Variants in DGKI observed in about 807,000 individuals in gnomAD.
The protein encoded by DGKI is DAG kinase iota.
DGKI carries 55 observed loss-of-function variants against 147.5 expected under a neutral mutation model. The observed-to-expected ratio is 0.37, with a 90% CI of 0.30 to 0.47. DGKI has a LOEUF of 0.47. DGKI is among the 20% of genes least tolerant of loss of function. The pLI is 1.00. For synonymous variants in DGKI, 469 were observed against 477.1 expected (o/e 0.98, Z 0.22); for missense variants, 1,007 against 1,323.8 (o/e 0.76, Z 3.71).
In DGKI at chr7:137,387,259, G is replaced by C. The variant is rs1357583732; in HGVS notation, c.*3961C>G. 6.6e-6 allele frequency: 1 copy of C among 152,140 alleles called. No homozygotes were observed. The highest frequency in any genetic ancestry group is 1.5e-5 in the Non-Finnish European group (1 of 68,022). The allele number at this position is 152,140 out of a possible 1,614,324, so 9.4% of individuals were successfully genotyped here. A position where few individuals can be genotyped will look rare whatever the true frequency, so the allele number is the denominator to read the frequency against. On this transcript the variant is annotated 3_prime_UTR_variant, in exon 33 of 33. Coordinates refer to ENST00000614521, the MANE Select transcript of DGKI (RefSeq NM_001321708.2). ...TAGATAAGTCTTGGGGCTATGGTAGGTTTCATGCTTCATGGAAGGCAACAT... is the reference window on the plus strand; with the variant it reads ...TAGATAAGTCTTGGGGCTATGGTAGCTTTCATGCTTCATGGAAGGCAACAT...
chr7:137,579,448 A>G (rs981859075), intron 15 of DGKI, among the ~76,000 whole-genome samples: 4 of 151,454 alleles, frequency 2.6e-5, no homozygotes, highest in African/African-American at 7.3e-5. Flanking sequence ...AAAAAAAAAA[A>G]AAAGAAAGAA....
chr7:137,441,184 G>C (rs1813486509), intron 28 of DGKI, among the ~76,000 whole-genome samples: 1 of 152,052 alleles, frequency 6.6e-6, no homozygotes, highest in African/African-American at 2.4e-5. Context: ...ACTTTGGGAG[G>C]CCGAGGTGGG....
At chr7:137,623,859 T>C (rs907426315) in intron 6 of DGKI, among the ~76,000 whole-genome samples, 2 of 152,218 alleles carry the variant, frequency 1.3e-5, no homozygotes, top group African/African-American at 4.8e-5. Context: ...GTTGTTCTGA[T>C]ATGTTTTTAT....
intron 1 of DGKI, among the ~76,000 whole-genome samples, chr7:137,812,338 C>A (rs1478801025): frequency 6.6e-6 from 1 of 152,176 alleles, no homozygotes; most frequent in Non-Finnish European, 1.5e-5. Context: ...ATGGTAATTG[C>A]TCAATAAATG....
At chr7:137,785,058 G>A (rs1308887420) in intron 1 of DGKI, among the ~76,000 whole-genome samples, 1 of 151,732 alleles carries the variant, frequency 6.6e-6, no homozygotes, top group African/African-American at 2.4e-5. Flanking sequence ...CACACCTCAT[G>A]GAACTGGAGA....
chr7:137,517,009 T>C (rs1585189985), intron 21 of DGKI, among the ~76,000 whole-genome samples: 1 of 151,916 alleles, frequency 6.6e-6, no homozygotes, highest in East Asian at 1.9e-4. Context: ...TCACCAGGGA[T>C]GTCATGTGTA....
intron 10 of DGKI, among the ~76,000 whole-genome samples, chr7:137,608,089 C>T (rs952989767): frequency 1.3e-5 from 2 of 152,158 alleles, no homozygotes; most frequent in East Asian, 1.9e-4. Flanking sequence ...ACCAGTGGGT[C>T]AATCCTATTT....
chr7:137,620,077 T>C, intron 7 of DGKI, 137 bp from the exon 8 acceptor site: 1 of 661,938 alleles, frequency 1.5e-6, no homozygotes, highest in Non-Finnish European at 2.7e-6. Flanking sequence ...CAAAAATACA[T>C]ATGCATGCAC....
At chr7:137,755,563 G>T (rs1408257821) in intron 1 of DGKI, among the ~76,000 whole-genome samples, 1 of 152,174 alleles carries the variant, frequency 6.6e-6, no homozygotes, top group African/African-American at 2.4e-5. Flanking sequence ...GTCTCTTAGG[G>T]CATTGAATTG....
intron 1 of DGKI, among the ~76,000 whole-genome samples, chr7:137,694,440 G>T (rs1177132876): frequency 6.6e-6 from 1 of 152,074 alleles, no homozygotes; most frequent in Non-Finnish European, 1.5e-5. Context: ...CTGATTGTAG[G>T]TTTATGTGGC....
intron 3 of DGKI, among the ~76,000 whole-genome samples, chr7:137,662,410 ATT>A (rs1489154310): frequency 1.3e-5 from 2 of 151,762 alleles, no homozygotes; most frequent in Non-Finnish European, 2.9e-5. Flanking sequence ...CGCCCGGCTA[ATT>A]TTTTGTATTT....
intron 4 of DGKI, 24 bp downstream of exon 4, chr7:137,656,441 AC>A (rs1156339778): frequency 6.2e-7 from 1 of 1,612,426 alleles, no homozygotes; most frequent in African/African-American, 1.3e-5. Context: ...ATGTAACAAA[AC>A]TGCAGCAGGG....
At chr7:137,661,641 G>A (rs1481213067) in intron 3 of DGKI, among the ~76,000 whole-genome samples, 2 of 152,096 alleles carry the variant, frequency 1.3e-5, no homozygotes, top group Non-Finnish European at 2.9e-5. Flanking sequence ...TAGAAACCGA[G>A]GGAAGGCTGA....
At chr7:137,797,147 A>G (rs1389867292) in intron 1 of DGKI, among the ~76,000 whole-genome samples, 4 of 152,232 alleles carry the variant, frequency 2.6e-5, no homozygotes, top group Non-Finnish European at 4.4e-5. Flanking sequence ...AAGGAATGAC[A>G]TATTTAAAAG....
chr7:137,819,313 A>ATT (rs368399753), intron 1 of DGKI, among the ~76,000 whole-genome samples: 1,854 of 143,688 alleles, frequency 0.013, 39 homozygotes, highest in African/African-American at 0.035. Flanking sequence ...CTACAAGGGA[A>ATT]TTTTTTTTTT....
intron 1 of DGKI, among the ~76,000 whole-genome samples, chr7:137,720,250 CTTTTTTTTTT>C (rs552382033): frequency 2.3e-5 from 2 of 88,216 alleles, no homozygotes. Context: ...TTGAAAAAAT[CTTTTTTTTTT>C]TTTTTTTTTT....
At position 137,736,836 on chromosome 7, in the gene DGKI, T is replaced by A. The variant is rs148150946; in HGVS notation, c.402-46834A>T. ...GCCCTCAACATTAGATACAGAACCA[T>A]GATTAAATTAATCAGAGGTCATACA... On this transcript the variant is annotated intron_variant, in intron 1 of 32. Transcript: ENST00000614521. Among the ~76,000 whole-genome samples, 375 of 152,220 alleles carry A rather than the reference T, an allele frequency of 2.5e-3. 15 individuals are homozygous for A. In the East Asian group the frequency reaches 0.065, roughly 26 times the overall value.
rs150137260 is a variant in DGKI at position 137,440,101 on chromosome 7, C to T, written c.2761+3976G>A. Among the ~76,000 whole-genome samples the T allele has an allele frequency of 1.6e-3, 240 of 152,276 alleles. 5 individuals are homozygous for T. The highest frequency in any genetic ancestry group is 1.7e-3 in the Admixed American group (26 of 15,298). ...GAGTTCTCAGAGCCAGGGAAGCAGC[C>T]TGGGCCCAGGAGATGGCTCCAGGAG... On this transcript the variant is annotated intron_variant, in intron 28 of 32. Coordinates refer to ENST00000614521, the MANE Select transcript of DGKI (RefSeq NM_001321708.2).
At chr7:137,448,846 G>C (rs995278048) in intron 27 of DGKI, among the ~76,000 whole-genome samples, 1 of 152,204 alleles carries the variant, frequency 6.6e-6, no homozygotes, top group Non-Finnish European at 1.5e-5. Context: ...GCAAAAGTCT[G>C]CCCAGAGTCT....
Sources: gnomAD v4.1 joint callset for allele counts (sites outside exome capture counted in the v4.1 genomes callset) on GRCh38, gnomAD v4.1.1 for gene constraint, MANE v1.5 for transcripts, NCBI Gene and HGNC (gene_info 2026-07-23, HGNC 2026-07-21) for gene names.